The following LAMA2 variants were observed in gnomAD, a reference collection of about 807,000 sequenced individuals.
LAMA2 encodes laminin subunit alpha-2.
A neutral mutation model predicts 364.8 loss-of-function variants in LAMA2; 269 were observed. That is an observed-to-expected ratio of 0.74 (90% CI 0.67 to 0.82). The LOEUF (loss-of-function observed/expected upper bound fraction) is 0.82. Ranked by LOEUF, LAMA2 falls within the 40% of genes least tolerant of loss-of-function variation. The probability of loss-of-function intolerance (pLI) is 0.00; values close to 1 mark genes in which losing one functional copy is unlikely to be tolerated. For missense variants in LAMA2, 3,807 were observed against 3,873.2 expected (o/e 0.98, Z 0.45); for synonymous variants, 1,379 against 1,370.6 (o/e 1.01, Z -0.14).
At chr6:129,049,106 G>T (rs1190758554) in intron 1 of LAMA2, among the ~76,000 whole-genome samples, 2 of 151,900 alleles carry the variant, frequency 1.3e-5, no homozygotes, top group Admixed American at 1.3e-4. Flanking sequence ...TTGCTATACT[G>T]TTATTGAAAA....
In LAMA2 at chr6:128,976,932, G is replaced by A. The variant is rs190405683; in HGVS notation, c.113-72986G>A. 8.1e-3 allele frequency among the ~76,000 whole-genome samples: 1,239 copies of A among 152,250 alleles called. 19 individuals are homozygous for A. The highest frequency in any genetic ancestry group is 0.028 in the African/African-American group (1,166 of 41,524). On this transcript the variant is annotated intron_variant, in intron 1 of 64. Transcript: ENST00000421865. ...CCTGTCTTCTAAATTGGGGTTCCCAGTGTAATACAGGAAGACTACTGTGTG... is the reference window on the plus strand; with the variant it reads ...CCTGTCTTCTAAATTGGGGTTCCCAATGTAATACAGGAAGACTACTGTGTG...
intron 12 of LAMA2, among the ~76,000 whole-genome samples, chr6:129,238,563 G>A (rs1785164952): frequency 2.6e-5 from 1 of 38,018 alleles, no homozygotes; most frequent in African/African-American, 6.4e-5. Flanking sequence ...TCATGTGTGT[G>A]TGTGTGTGTG....
chr6:129,124,526 A>G (rs984414779), intron 4 of LAMA2, among the ~76,000 whole-genome samples: 10 of 152,216 alleles, frequency 6.6e-5, no homozygotes, highest in African/African-American at 2.4e-4. Context: ...AGTAGAGCCC[A>G]GGCAACTGGC....
chr6:129,493,896 A>G (rs763318075), intron 58 of LAMA2, among the ~76,000 whole-genome samples: 9 of 152,202 alleles, frequency 5.9e-5, no homozygotes, highest in Non-Finnish European at 1.2e-4. Context: ...TTAATAGACC[A>G]TGGTAGGCTA....
chr6:129,088,369 C>A (rs1466380626), intron 3 of LAMA2, among the ~76,000 whole-genome samples: 1 of 152,094 alleles, frequency 6.6e-6, no homozygotes, highest in Non-Finnish European at 1.5e-5. Flanking sequence ...TCCACAAAAC[C>A]ACCATCATCA....
chr6:129,403,805 T>C lies in LAMA2; in HGVS notation c.5727-16T>C, dbSNP rs944057968. 6.2e-7 allele frequency: 1 copy of C among 1,611,762 alleles called. No homozygotes were observed. The highest frequency in any genetic ancestry group is 1.3e-5 in the African/African-American group (1 of 74,890). On this transcript the variant is annotated splice_polypyrimidine_tract_variant and intron_variant, in intron 39 of 64. Transcript: ENST00000421865. ...ATTGAGTGCCCTGACATTCCTTTTTTGAATCATCCCACCAGAATCCTTGAT... is the reference window on the plus strand; with the variant it reads ...ATTGAGTGCCCTGACATTCCTTTTTCGAATCATCCCACCAGAATCCTTGAT...
At chr6:129,505,529 G>T (rs964321670) in intron 61 of LAMA2, among the ~76,000 whole-genome samples, 174 bp downstream of exon 61, 1 of 152,100 alleles carries the variant, frequency 6.6e-6, no homozygotes, top group Non-Finnish European at 1.5e-5. Flanking sequence ...TTTGTTTTGA[G>T]ACAGAGTCTC....
chr6:129,354,418 C>T (rs1777038802), intron 32 of LAMA2, among the ~76,000 whole-genome samples: 1 of 151,982 alleles, frequency 6.6e-6, no homozygotes, highest in South Asian at 2.1e-4. Context: ...ATTAAATGTA[C>T]TGTCAAATAC....
At position 129,057,258 on chromosome 6, in the gene LAMA2, C is replaced by G. The variant is rs140810902; in HGVS notation, c.284-2526C>G. 1.2e-3 allele frequency among the ~76,000 whole-genome samples: 178 copies of G among 152,116 alleles called. 1 individual carries two copies. Among genetic ancestry groups the G allele is most frequent in the African/African-American group, 4.1e-3 (169 of 41,484 alleles). On this transcript the variant is annotated intron_variant, in intron 2 of 64. Transcript: ENST00000421865. ...TTAGAATGCTCACAGTTATACTGTT[C>G]ATCAGTAACCCTGTGAATACAGGGT...
intron 53 of LAMA2, among the ~76,000 whole-genome samples, chr6:129,477,115 T>C (rs776157251): frequency 3.3e-5 from 5 of 152,214 alleles, no homozygotes; most frequent in Admixed American, 1.3e-4. Context: ...TACCACCACA[T>C]AAAGAATTAT....
intron 12 of LAMA2, among the ~76,000 whole-genome samples, chr6:129,238,188 A>T (rs2115148440): frequency 6.6e-6 from 1 of 151,928 alleles, no homozygotes; most frequent in South Asian, 2.1e-4. Context: ...AAAAAAAAGG[A>T]AGAGAGACAA....
intron 1 of LAMA2, among the ~76,000 whole-genome samples, chr6:128,979,523 TA>T (rs1482938748): frequency 6.6e-6 from 1 of 152,168 alleles, no homozygotes; most frequent in Non-Finnish European, 1.5e-5. Context: ...TGCCAGTAAC[TA>T]GGTACTAGAG....
chr6:129,084,464 C>G (rs1319029277), intron 3 of LAMA2, among the ~76,000 whole-genome samples: 2 of 152,144 alleles, frequency 1.3e-5, no homozygotes, highest in African/African-American at 4.8e-5. Flanking sequence ...CAATTCAAAT[C>G]ATGACCTTCT....
chr6:129,379,954 A>C (rs9388701), intron 34 of LAMA2, among the ~76,000 whole-genome samples: 14 of 152,206 alleles, frequency 9.2e-5, no homozygotes, highest in Non-Finnish European at 2.1e-4. Flanking sequence ...CCCAACATCT[A>C]TGACCCACGA....
chr6:128,991,967 A>G (rs1019334466), intron 1 of LAMA2, among the ~76,000 whole-genome samples: 2 of 152,216 alleles, frequency 1.3e-5, no homozygotes, highest in Non-Finnish European at 2.9e-5. Flanking sequence ...ACCAGAACAC[A>G]TTTATTTGCA....
chr6:129,108,797 A>T (rs1186863086), intron 4 of LAMA2, among the ~76,000 whole-genome samples: 1 of 152,068 alleles, frequency 6.6e-6, no homozygotes, highest in East Asian at 1.9e-4. Flanking sequence ...AAGACATGTT[A>T]TTCCTCTAAA....
At chr6:129,437,536 T>C (rs1271840009) in intron 41 of LAMA2, among the ~76,000 whole-genome samples, 6 of 152,000 alleles carry the variant, frequency 3.9e-5, no homozygotes, top group African/African-American at 1.4e-4. Context: ...ACATGTTGCA[T>C]TTCTGTGGAG....
chr6:128,887,201 A>C (rs1461395606), intron 1 of LAMA2, among the ~76,000 whole-genome samples: 2 of 152,164 alleles, frequency 1.3e-5, no homozygotes, highest in Non-Finnish European at 2.9e-5. Flanking sequence ...CTTGTGTTAT[A>C]ACACGCAAGA....
At chr6:129,330,719 A>G (rs1775597201) in intron 29 of LAMA2, among the ~76,000 whole-genome samples, 4 of 147,486 alleles carry the variant, frequency 2.7e-5, no homozygotes, top group Non-Finnish European at 3.0e-5. Context: ...TCCTTATCTC[A>G]TGCTTTCACT....
Sources: allele counts gnomAD v4.1 joint callset (sites outside exome capture counted in the v4.1 genomes callset), GRCh38; gene constraint gnomAD v4.1.1; transcripts MANE v1.5; gene names NCBI Gene and HGNC (gene_info 2026-07-23, HGNC 2026-07-21).